Variants in NXPE2 observed in about 807,000 individuals in gnomAD.
NXPE2 encodes neurexophilin and PC-esterase domain family member 2, also known as NXPE family member 2.
NXPE2 carries 34 observed loss-of-function variants against 34.4 expected under a neutral mutation model. The ratio of observed to expected loss-of-function variants is 0.99; its 90% confidence interval spans 0.75 to 1.31. NXPE2 has a LOEUF of 1.31. Ranked by LOEUF, NXPE2 falls within the 40% of genes most tolerant of loss-of-function variation. The pLI, the probability that NXPE2 is intolerant of heterozygous loss-of-function variation, is 0.00. For synonymous variants in NXPE2, 235 were observed against 231.3 expected, an observed-to-expected ratio of 1.02 and a Z score of -0.15; for missense variants, 649 against 672.5, an observed-to-expected ratio of 0.97 and a Z score of 0.39.
At chr11:114,582,827 G>A in the NXPE2 span, 341 of 1,614,042 alleles carry the variant, frequency 2.1e-4, no homozygotes, top group Non-Finnish European at 2.8e-4. Flanking sequence ...TGCTATGTGT[G>A]GCGCTGGTGG....
At chr11:114,624,271 T>A in the NXPE2 span, among the ~76,000 whole-genome samples, 2 of 151,998 alleles carry the variant, frequency 1.3e-5, no homozygotes, top group Non-Finnish European at 2.9e-5. Context: ...TAATAAATAT[T>A]GCCTCGTGAG....
At chr11:114,744,612 C>A in the NXPE2 span, among the ~76,000 whole-genome samples, 385 of 152,074 alleles carry the variant, frequency 2.5e-3, no homozygotes, top group African/African-American at 8.9e-3. Flanking sequence ...GAGTTTGAGA[C>A]CAGCCTGGGA....
At chr11:114,734,493 T>C in the NXPE2 span, among the ~76,000 whole-genome samples, 1 of 152,242 alleles carries the variant, frequency 6.6e-6, no homozygotes, top group African/African-American at 2.4e-5. Context: ...GTATTCATTG[T>C]ACTGCTGTTG....
At chr11:114,601,945 AT>A in the NXPE2 span, among the ~76,000 whole-genome samples, 46 of 71,198 alleles carry the variant, frequency 6.5e-4, 1 homozygote, top group Non-Finnish European at 9.8e-4. Context: ...ATATTATATA[AT>A]TATATATAAT....
chr11:114,747,140 C>CT, the NXPE2 span, among the ~76,000 whole-genome samples: 9 of 152,158 alleles, frequency 5.9e-5, no homozygotes, highest in African/African-American at 2.2e-4. Context: ...TTGAGTGTCT[C>CT]TATAGGATAG....
chr11:114,698,875 T>C (rs753144549), intron 3 of NXPE2, 97 bp downstream of exon 3: 57 of 1,157,396 alleles, frequency 4.9e-5, no homozygotes, highest in Non-Finnish European at 6.5e-5. Flanking sequence ...ATCATGTCAA[T>C]TATGTTGACT....
the NXPE2 span, among the ~76,000 whole-genome samples, chr11:114,793,956 T>G: frequency 1.3e-5 from 2 of 152,178 alleles, no homozygotes; most frequent in Non-Finnish European, 2.9e-5. Context: ...TACCTTTGCC[T>G]GAATCCCACT....
chr11:114,693,748 C>T (rs754537647), intron 2 of NXPE2, among the ~76,000 whole-genome samples: 2 of 152,106 alleles, frequency 1.3e-5, no homozygotes, highest in African/African-American at 2.4e-5. Context: ...ACCAGGAAAA[C>T]CACAACTTGC....
At chr11:114,646,942 G>C in the NXPE2 span, among the ~76,000 whole-genome samples, 1 of 152,140 alleles carries the variant, frequency 6.6e-6, no homozygotes, top group Non-Finnish European at 1.5e-5. Context: ...TAAGAAGCAT[G>C]AGATTGGAGA....
the NXPE2 span, among the ~76,000 whole-genome samples, chr11:114,604,231 GT>G: frequency 6.6e-6 from 1 of 152,020 alleles, no homozygotes; most frequent in Non-Finnish European, 1.5e-5. Context: ...CTGTTACCCG[GT>G]TTATAATAAG....
chr11:114,606,404 C>T, the NXPE2 span, among the ~76,000 whole-genome samples: 93 of 149,490 alleles, frequency 6.2e-4, 3 homozygotes, highest in African/African-American at 1.9e-3. Context: ...CACTGTTACC[C>T]GGTGGATAAT....
At chr11:114,549,931 TAGAG>T in the NXPE2 span, among the ~76,000 whole-genome samples, 1,917 of 151,912 alleles carry the variant, frequency 0.013, 36 homozygotes, top group African/African-American at 0.044. Context: ...AGACAAAAAA[TAGAG>T]AGAAGCTAAA....
the NXPE2 span, among the ~76,000 whole-genome samples, chr11:114,669,178 A>T: frequency 6.6e-6 from 1 of 152,126 alleles, no homozygotes; most frequent in Non-Finnish European, 1.5e-5. Flanking sequence ...ATCATAATTG[A>T]TGCACATTAT....
At chr11:114,606,982 C>T in the NXPE2 span, among the ~76,000 whole-genome samples, 1 of 151,900 alleles carries the variant, frequency 6.6e-6, no homozygotes, top group Non-Finnish European at 1.5e-5. Context: ...TGGGTAACCA[C>T]TGTTTCCCAG....
At chr11:114,697,858 G>T (rs1029311012) in intron 2 of NXPE2, among the ~76,000 whole-genome samples, 187 bp from the exon 3 acceptor site, 2 of 152,118 alleles carry the variant, frequency 1.3e-5, no homozygotes, top group Non-Finnish European at 1.5e-5. Flanking sequence ...CCATCTGCTG[G>T]CAGCAGAGGA....
At chr11:114,742,047 C>T in the NXPE2 span, among the ~76,000 whole-genome samples, 1 of 152,236 alleles carries the variant, frequency 6.6e-6, no homozygotes, top group East Asian at 1.9e-4. Flanking sequence ...ACCTCTTGTT[C>T]CCTCTTGGTG....
chr11:114,759,474 A>G, the NXPE2 span, among the ~76,000 whole-genome samples: 3 of 152,244 alleles, frequency 2.0e-5, no homozygotes, highest in African/African-American at 7.2e-5. Context: ...GATTTATTAC[A>G]TCCTTTTAAC....
the NXPE2 span, chr11:114,522,419 CA>C: frequency 6.2e-7 from 1 of 1,613,924 alleles, no homozygotes; most frequent in Non-Finnish European, 8.5e-7. Flanking sequence ...ATGTTTTTTC[CA>C]TTGAATCTGA....
the NXPE2 span, among the ~76,000 whole-genome samples, chr11:114,785,759 A>G: frequency 3.3e-5 from 5 of 152,250 alleles, no homozygotes; most frequent in African/African-American, 1.2e-4. Flanking sequence ...TCACATTTGT[A>G]TCAATAATAC....
Sources: gnomAD v4.1 joint callset for allele counts (sites outside exome capture counted in the v4.1 genomes callset) on GRCh38, gnomAD v4.1.1 for gene constraint, MANE v1.5 for transcripts, NCBI Gene and HGNC (gene_info 2026-07-23, HGNC 2026-07-21) for gene names.